The following BRF1 variants were observed in gnomAD, a reference collection of about 807,000 sequenced individuals.
BRF1 encodes the protein transcription factor IIIB 90 kDa subunit.
A neutral mutation model predicts 81.7 loss-of-function variants in BRF1; 59 were observed. The ratio of observed to expected loss-of-function variants is 0.72; its 90% confidence interval spans 0.59 to 0.90. The LOEUF (loss-of-function observed/expected upper bound fraction) is 0.90. Among genes scored for constraint, BRF1 ranks in the 40% least tolerant of loss-of-function variants. The pLI is 0.00. For synonymous variants in BRF1, 491 were observed against 395.6 expected, an observed-to-expected ratio of 1.24 and a Z score of -2.86; for missense variants, 1,050 against 936.3, an observed-to-expected ratio of 1.12 and a Z score of -1.58.
chr14:105,286,421 G>A (rs587671121), intron 1 of BRF1, 45 bp from the exon 2 acceptor site: 3 of 1,564,490 alleles, frequency 1.9e-6, no homozygotes, highest in Non-Finnish European at 2.6e-6. Flanking sequence ...TTGGAGATCT[G>A]CATTTACAAC....
chr14:105,248,649 G>T (rs1281028416), intron 5 of BRF1: 5 of 980,404 alleles, frequency 5.1e-6, no homozygotes, highest in Admixed American at 1.3e-4. Context: ...GGGCAGGGTC[G>T]CAGGGGCGGG....
At position 105,222,860 on chromosome 14, in the gene BRF1, C is replaced by T. The variant is rs182733955; in HGVS notation, c.1049-946G>A. Reference sequence around the variant, plus strand: ...AGCCAGGATGGTCTTGATCTCCTGACCTTGTGATCTGCCCACCTCAGCCTC... The same window carrying T: ...AGCCAGGATGGTCTTGATCTCCTGATCTTGTGATCTGCCCACCTCAGCCTC... On this transcript the variant is annotated intron_variant, in intron 10 of 17. Transcript: ENST00000547530. Among the ~76,000 whole-genome samples, 149 of 152,254 alleles carry T rather than the reference C, an allele frequency of 9.8e-4. 1 individual carries two copies. The highest frequency in any genetic ancestry group is 3.5e-3 in the African/African-American group (145 of 41,546).
chr14:105,212,328 A>G (rs1890250488), intron 15 of BRF1, 164 bp from the exon 16 acceptor site: 2 of 818,402 alleles, frequency 2.4e-6, no homozygotes, highest in Non-Finnish European at 3.8e-6. Flanking sequence ...ATCAGTGCTC[A>G]CTGCACATCA....
At chr14:105,226,441 T>G in intron 8 of BRF1, 151 bp from the exon 9 acceptor site, 1 of 1,435,326 alleles carries the variant, frequency 7.0e-7, no homozygotes, top group Non-Finnish European at 9.6e-7. Flanking sequence ...GTGTCCCCCA[T>G]GGGAAGAGGT....
chr14:105,280,972 G>A (rs1011956634), intron 2 of BRF1, among the ~76,000 whole-genome samples: 345 of 122,718 alleles, frequency 2.8e-3, no homozygotes, highest in Non-Finnish European at 4.4e-3. Context: ...TGTGTGGACA[G>A]AGCCTGCGTG....
chr14:105,278,335 G>A (rs888094964), intron 2 of BRF1, among the ~76,000 whole-genome samples: 2 of 151,746 alleles, frequency 1.3e-5, no homozygotes, highest in African/African-American at 4.8e-5. Context: ...GCCCAGCCAA[G>A]GTAGGAGGAC....
At chr14:105,262,746 A>G (rs1175105080) in intron 3 of BRF1, among the ~76,000 whole-genome samples, 1 of 152,164 alleles carries the variant, frequency 6.6e-6, no homozygotes, top group African/African-American at 2.4e-5. Context: ...TCAAGCACAC[A>G]CATGCAACCA....
intron 15 of BRF1, among the ~76,000 whole-genome samples, chr14:105,214,114 G>A (rs147563940): frequency 6.6e-6 from 1 of 152,330 alleles, no homozygotes; most frequent in Non-Finnish European, 1.5e-5. Context: ...GCCAGCACCT[G>A]CTGACCCCGC....
intron 11 of BRF1, 128 bp downstream of exon 11, chr14:105,221,520 A>G (rs1251348815): frequency 3.0e-6 from 4 of 1,345,712 alleles, no homozygotes; most frequent in Admixed American, 5.9e-5. Context: ...CCACCACCCA[A>G]GCCCACCGCC....
chr14:105,212,670 C>G, intron 15 of BRF1: 1 of 157,790 alleles, frequency 6.3e-6, no homozygotes, highest in East Asian at 1.9e-4. Flanking sequence ...ACTGCTGGTC[C>G]CCCCAGGGAG....
chr14:105,262,092 G>T (rs928269909), intron 3 of BRF1, among the ~76,000 whole-genome samples: 2 of 152,190 alleles, frequency 1.3e-5, no homozygotes, highest in Non-Finnish European at 2.9e-5. Context: ...CTCAGCGGCC[G>T]ACCAAGCACC....
chr14:105,241,178 G>A (rs1239912937), intron 6 of BRF1, 87 bp downstream of exon 6: 14 of 1,555,614 alleles, frequency 9.0e-6, no homozygotes, highest in South Asian at 5.8e-5. Flanking sequence ...GCAAACATAC[G>A]GCCCAGCCCA....
intron 6 of BRF1, 127 bp from the exon 7 acceptor site, chr14:105,229,040 G>A (rs1020859173): frequency 1.1e-5 from 9 of 829,602 alleles, no homozygotes; most frequent in African/African-American, 6.6e-5. Flanking sequence ...GTCTGTGCCA[G>A]GCAGTGAGAC....
chr14:105,307,200 G>A (rs587628197), intron 1 of BRF1, among the ~76,000 whole-genome samples: 4 of 152,040 alleles, frequency 2.6e-5, no homozygotes, highest in South Asian at 4.2e-4. Context: ...TTGAGCCACC[G>A]TGCAGGCTGA....
At chr14:105,294,548 T>A (rs1435740886) in intron 1 of BRF1, among the ~76,000 whole-genome samples, 6 of 152,192 alleles carry the variant, frequency 3.9e-5, no homozygotes, top group Non-Finnish European at 2.9e-5. Context: ...TTGGCAACTG[T>A]GACACAGCTG....
At chr14:105,217,385 C>G (rs886433275) in intron 15 of BRF1, 159 bp downstream of exon 15, 14 of 1,173,980 alleles carry the variant, frequency 1.2e-5, no homozygotes, top group Non-Finnish European at 1.7e-5. Flanking sequence ...GTCAAGGTGC[C>G]GGAGAAGGCC....
At chr14:105,314,079 A>T (rs1305983231) in intron 1 of BRF1, among the ~76,000 whole-genome samples, 3 of 152,250 alleles carry the variant, frequency 2.0e-5, no homozygotes, top group Non-Finnish European at 2.9e-5. Flanking sequence ...CTGGAGGCTA[A>T]GCTCGGCAGC....
intron 1 of BRF1, among the ~76,000 whole-genome samples, chr14:105,312,125 G>C (rs1161659940): frequency 6.6e-6 from 1 of 152,238 alleles, no homozygotes; most frequent in Non-Finnish European, 1.5e-5. Context: ...AGGCTGAGGA[G>C]ATGAATGCGT....
intron 3 of BRF1, among the ~76,000 whole-genome samples, chr14:105,268,652 G>A (rs1325355780): frequency 2.0e-5 from 3 of 152,344 alleles, no homozygotes; most frequent in East Asian, 1.9e-4. Flanking sequence ...TGGGCTCAGG[G>A]CACTGGTCCC....
Sources: gnomAD v4.1 joint callset for allele counts (sites outside exome capture counted in the v4.1 genomes callset) on GRCh38, gnomAD v4.1.1 for gene constraint, MANE v1.5 for transcripts, NCBI Gene and HGNC (gene_info 2026-07-23, HGNC 2026-07-21) for gene names.